Variants in ANHX observed in about 807,000 individuals in gnomAD.
ANHX encodes the protein anomalous homeobox protein.
In ANHX, 20 loss-of-function variants were observed where a neutral mutation model predicts 38.9. The ratio of observed to expected loss-of-function variants is 0.51; its 90% CI spans 0.36 to 0.75. The LOEUF is 0.75. Ranked by LOEUF, ANHX falls within the 30% of genes least tolerant of loss-of-function variation. The pLI, the probability that ANHX is intolerant of heterozygous loss-of-function variation, is 0.00. For synonymous variants in ANHX, 185 were observed against 203.1 expected (o/e 0.91, Z 0.76); for missense variants, 475 against 493.1 (o/e 0.96, Z 0.35).
intron 1 of ANHX, 170 bp downstream of exon 1, chr12:133,235,637 C>T (rs1390771589): frequency 2.7e-5 from 4 of 149,916 alleles, no homozygotes; most frequent in Non-Finnish European, 3.0e-5. Context: ...CCTAGCGCCC[C>T]TCACCTTCCG....
intron 2 of ANHX, among the ~76,000 whole-genome samples, chr12:133,232,751 C>CT (rs1957301709): frequency 1.3e-5 from 2 of 152,188 alleles, no homozygotes; most frequent in African/African-American, 4.8e-5. Flanking sequence ...CATTACAACT[C>CT]TAACTCTGCA....
At chr12:133,231,667 C>T in intron 2 of ANHX, 23 bp from the exon 3 acceptor site, 2 of 1,535,602 alleles carry the variant, frequency 1.3e-6, no homozygotes, top group South Asian at 2.4e-5. Flanking sequence ...GTGTACTGAG[C>T]CCTGGCCACC....
At chr12:133,228,719 C>T (rs1957227834) in intron 3 of ANHX, among the ~76,000 whole-genome samples, 1 of 152,218 alleles carries the variant, frequency 6.6e-6, no homozygotes, top group Admixed American at 6.5e-5. Context: ...GCTCATCCCC[C>T]ATCTCACTAA....
At chr12:133,226,521 G>A in intron 5 of ANHX, 83 bp from the exon 6 acceptor site, 1 of 1,442,698 alleles carries the variant, frequency 6.9e-7, no homozygotes, top group Middle Eastern at 2.0e-4. Flanking sequence ...CAGCCCTGCT[G>A]GCTGGAAAAG....
At chr12:133,229,456 C>G (rs887831974) in intron 3 of ANHX, among the ~76,000 whole-genome samples, 1 of 152,112 alleles carries the variant, frequency 6.6e-6, no homozygotes, top group South Asian at 2.1e-4. Flanking sequence ...AGTGAAGGAA[C>G]CCTCATGCTC....
chr12:133,234,756 A>C, intron 1 of ANHX: 1 of 210,496 alleles, frequency 4.8e-6, no homozygotes, highest in South Asian at 8.7e-5. Context: ...TAACAGCAGA[A>C]ACTGCTCACG....
At chr12:133,224,822 C>A (rs1049259217) in intron 7 of ANHX, among the ~76,000 whole-genome samples, 5 of 151,228 alleles carry the variant, frequency 3.3e-5, no homozygotes, top group African/African-American at 1.2e-4. Flanking sequence ...AAAAAATTAG[C>A]CAGGCGTGGT....
rs145673114 is a variant in ANHX at position 133,221,516 on chromosome 12, T to G, written c.1133-164A>C. On this transcript the variant is annotated intron_variant, in intron 7 of 9. Coordinates refer to ENST00000545940, the MANE Select transcript of ANHX (RefSeq NM_001372060.1). This position sits in a 1 kb window ranked among gnomAD's most constrained non-coding sequence, Gnocchi z 4.1. ...GTCCCTGGGCCTCAGTCTCCCTCTC[T>G]GAGGAAGGAACTGTCACAACCATTG... Among the ~76,000 whole-genome samples the G allele has an allele frequency of 2.5e-3, 374 of 152,276 alleles. No homozygotes were observed. The highest frequency in any genetic ancestry group is 8.2e-3 in the African/African-American group (342 of 41,556).
Position 133,218,820 on chromosome 12 carries a change from G to A in ANHX, c.*65C>T. The A allele has an allele frequency of 8.0e-7, 1 of 1,250,960 alleles. No individual in the cohort carries two copies. The highest frequency in any genetic ancestry group is 1.1e-6 in the Non-Finnish European group (1 of 931,052). The allele number at this position is 1,250,960 out of a possible 1,614,324, so 77.5% of individuals were successfully genotyped here. ...TCAGGATAAAGCTCTGTAACTCCTT[G>A]TGTTGACCAGGCAGACCATCCACAC... On this transcript the variant is annotated 3_prime_UTR_variant, in exon 10 of 10. Coordinates refer to ENST00000545940, the MANE Select transcript of ANHX (RefSeq NM_001372060.1).
At chr12:133,219,089 G>A in intron 9 of ANHX, 118 bp from the exon 10 acceptor site, 7 of 1,066,246 alleles carry the variant, frequency 6.6e-6, no homozygotes, top group Non-Finnish European at 8.1e-6. Context: ...GGACTCAGGA[G>A]GGAATGTTGC....
chr12:133,225,663 C>T lies in ANHX; in HGVS notation c.1005G>A (p.Ala335=), dbSNP rs186415123. Reference sequence around the variant, plus strand: ...TCTGGAAGGAAACTTCCTTGGAGGACGCCAGTGCAAGAGACATCAGCCAAG... The same window carrying T: ...TCTGGAAGGAAACTTCCTTGGAGGATGCCAGTGCAAGAGACATCAGCCAAG... The part of the protein sequence containing the change: ...PESWLMSLAL[A]SSKEVSFQTG... The change falls in exon 7 of 10, where the codon GCG becomes GCA. Residue 335 remains alanine (A), a synonymous_variant. Coordinates refer to ENST00000545940, the MANE Select transcript of ANHX (RefSeq NM_001372060.1). Among the ~76,000 whole-genome samples, 63 of 152,338 alleles carry T rather than the reference C, an allele frequency of 4.1e-4. No homozygotes were observed. Among genetic ancestry groups the T allele is most frequent in the African/African-American group, 1.2e-3 (51 of 41,586 alleles).
At chr12:133,231,418 C>T (rs547282632) in intron 3 of ANHX, 99 bp downstream of exon 3, 292 of 1,475,216 alleles carry the variant, frequency 2.0e-4, no homozygotes, top group South Asian at 6.4e-4. Flanking sequence ...TCCCTATCTC[C>T]TCACCTCCAC....
intron 7 of ANHX, among the ~76,000 whole-genome samples, chr12:133,223,062 G>T (rs2135552436): frequency 6.6e-6 from 1 of 152,112 alleles, no homozygotes; most frequent in Non-Finnish European, 1.5e-5. Context: ...GGTGAAACAT[G>T]CCTGTAATCC....
At chr12:133,230,418 T>G (rs956550861) in intron 3 of ANHX, among the ~76,000 whole-genome samples, 1 of 152,238 alleles carries the variant, frequency 6.6e-6, no homozygotes, top group African/African-American at 2.4e-5. Flanking sequence ...AAGGTATCCA[T>G]GTCTTCTTCC....
intron 5 of ANHX, 36 bp downstream of exon 5, chr12:133,226,900 C>T (rs937233474): frequency 4.6e-5 from 68 of 1,467,500 alleles, no homozygotes; most frequent in Non-Finnish European, 4.7e-5. Context: ...ACCAGCTCCC[C>T]GACCACAAGG....
chr12:133,225,852 CT>C (rs1957182101), intron 6 of ANHX, among the ~76,000 whole-genome samples, 24 bp from the exon 7 acceptor site: 1 of 152,184 alleles, frequency 6.6e-6, no homozygotes, highest in Non-Finnish European at 1.5e-5. Flanking sequence ...AGAACACTGT[CT>C]CTTGGTGGGC....
chr12:133,222,753 T>G (rs575668194), intron 7 of ANHX, among the ~76,000 whole-genome samples: 1 of 152,304 alleles, frequency 6.6e-6, no homozygotes, highest in East Asian at 1.9e-4. Context: ...CCAACAGTCC[T>G]GACTTCAGAC....
rs1049166571 is a variant in ANHX at position 133,232,851 on chromosome 12, A to G, written c.250-1207T>C. Reference sequence around the variant, plus strand: ...TAGGTGTCGTGCTGTGTGTCAGCCAATCTTGCAGTGAGAAAGGCTGTGGTG... The same window carrying G: ...TAGGTGTCGTGCTGTGTGTCAGCCAGTCTTGCAGTGAGAAAGGCTGTGGTG... On this transcript the variant is annotated intron_variant, in intron 2 of 9. Transcript: ENST00000545940. Among the ~76,000 whole-genome samples the G allele has an allele frequency of 4.6e-5, 7 of 152,168 alleles. 1 individual carries two copies. The highest frequency in any genetic ancestry group is 4.1e-4 in the South Asian group (2 of 4,832).
At position 133,221,006 on chromosome 12, in the gene ANHX, G is replaced by A. The variant is rs1957101546; in HGVS notation, c.1280+199C>T. ...TGCATGGGATGCCCACATCTGCTCT[G>A]ATGTTTTGGGCTCTCCTGAGAGAAA... On this transcript the variant is annotated intron_variant, in intron 8 of 9. Transcript: ENST00000545940. This position sits in a 1 kb window ranked among gnomAD's most constrained non-coding sequence, Gnocchi z 4.1. Among the ~76,000 whole-genome samples, 1 of 152,206 alleles carries A rather than the reference G, an allele frequency of 6.6e-6. No individual in the cohort carries two copies. Among genetic ancestry groups the A allele is most frequent in the Non-Finnish European group, 1.5e-5 (1 of 68,040 alleles).
Sources: allele counts gnomAD v4.1 joint callset (sites outside exome capture counted in the v4.1 genomes callset), GRCh38; gene constraint gnomAD v4.1.1; non-coding constraint Gnocchi (gnomAD v3.1); transcripts MANE v1.5; gene names NCBI Gene and HGNC (gene_info 2026-07-23, HGNC 2026-07-21).